ACTA2: variants seen among roughly 807,000 people sequenced by gnomAD.
ACTA2 encodes the protein actin, aortic smooth muscle.
ACTA2 carries 12 observed loss-of-function variants against 39.5 expected under a neutral mutation model. That is an observed-to-expected ratio of 0.30 (90% CI 0.19 to 0.49). The LOEUF is 0.49. Ranked by LOEUF, ACTA2 falls within the 20% of genes least tolerant of loss-of-function variation. The pLI is 0.99. For missense variants in ACTA2, 236 were observed against 498.8 expected (o/e 0.47, Z 5.02); for synonymous variants, 158 against 180.6 (o/e 0.88, Z 1.00).
intron 1 of ACTA2, among the ~76,000 whole-genome samples, chr10:88,975,960 T>C (rs2133334642): frequency 6.6e-6 from 1 of 152,332 alleles, no homozygotes; most frequent in Non-Finnish European, 1.5e-5. Flanking sequence ...GACAAATTAA[T>C]TGTCACCAAA....
intron 1 of ACTA2, among the ~76,000 whole-genome samples, chr10:88,988,581 T>C (rs978522): frequency 0.35 from 53,490 of 151,944 alleles, 10,196 homozygotes; most frequent in East Asian, 0.52. Context: ...TTGTCCAAAA[T>C]ATCTCCAACA....
At chr10:88,991,001 G>GGCA in exon 1 of ACTA2, 1 of 1,564,564 alleles carries the variant, frequency 6.4e-7, no homozygotes, top group African/African-American at 1.4e-5. Context: ...GGATTGCGGC[G>GGCA]GCAGCGGCGC....
chr10:88,950,747 A>C (rs1176046742), intron 1 of ACTA2, among the ~76,000 whole-genome samples: 2 of 152,236 alleles, frequency 1.3e-5, no homozygotes, highest in Non-Finnish European at 2.9e-5. Flanking sequence ...GTGTGATTTC[A>C]GTTATTTAAC....
intron 1 of ACTA2, among the ~76,000 whole-genome samples, chr10:88,964,994 C>G (rs976356578): frequency 6.6e-6 from 1 of 152,072 alleles, no homozygotes; most frequent in Non-Finnish European, 1.5e-5. Flanking sequence ...TCATATAGTC[C>G]AGCCCTGTGT....
chr10:88,936,275 C>T (rs1845736729), intron 8 of ACTA2, among the ~76,000 whole-genome samples: 1 of 152,144 alleles, frequency 6.6e-6, no homozygotes, highest in African/African-American at 2.4e-5. Context: ...AACCTGGGTT[C>T]TCCCAGGTGG....
upstream of ACTA2, among the ~76,000 whole-genome samples, chr10:88,955,018 A>C (rs77267553): frequency 2.9e-4 from 43 of 147,690 alleles, no homozygotes; most frequent in East Asian, 1.2e-3. Context: ...GTGTCACACA[A>C]AAAAAAAAAA....
At chr10:88,977,709 A>C (rs1375945636) in intron 1 of ACTA2, among the ~76,000 whole-genome samples, 5 of 149,946 alleles carry the variant, frequency 3.3e-5, no homozygotes, top group African/African-American at 1.2e-4. Context: ...ATACCATCTC[A>C]CACCAGTTAG....
At chr10:88,939,224 T>C (rs900895928) in intron 7 of ACTA2, among the ~76,000 whole-genome samples, 1 of 152,228 alleles carries the variant, frequency 6.6e-6, no homozygotes, top group East Asian at 1.9e-4. Flanking sequence ...CTTGCTACCC[T>C]TTCCGCTGTC....
At chr10:88,941,665 G>C (rs1845855489) in intron 5 of ACTA2, 120 bp downstream of exon 5, 4 of 952,490 alleles carry the variant, frequency 4.2e-6, no homozygotes, top group Non-Finnish European at 4.9e-6. Context: ...TTTTAGGGCT[G>C]GGTTCAGCCG....
At chr10:88,981,473 G>T (rs1489693247) in intron 1 of ACTA2, among the ~76,000 whole-genome samples, 1 of 151,962 alleles carries the variant, frequency 6.6e-6, no homozygotes, top group East Asian at 1.9e-4. Context: ...AAAGTTGATA[G>T]TAAATTTCAT....
intron 6 of ACTA2, chr10:88,940,983 G>A: frequency 2.2e-6 from 1 of 465,036 alleles, no homozygotes; most frequent in Non-Finnish European, 4.0e-6. Flanking sequence ...ATTAAAAAAA[G>A]ATCAATTATA....
chr10:88,985,350 G>T (rs1251364797), intron 1 of ACTA2, among the ~76,000 whole-genome samples: 1 of 152,180 alleles, frequency 6.6e-6, no homozygotes, highest in African/African-American at 2.4e-5. Flanking sequence ...CATATGCACA[G>T]ATTATCCAAA....
At chr10:88,972,095 G>C (rs896979987) in intron 1 of ACTA2, among the ~76,000 whole-genome samples, 2 of 151,792 alleles carry the variant, frequency 1.3e-5, no homozygotes, top group Non-Finnish European at 1.5e-5. Context: ...TTTTAGTAGA[G>C]ACAGGGTTTC....
intron 1 of ACTA2, among the ~76,000 whole-genome samples, chr10:88,983,631 A>C (rs59824509): frequency 2.1e-5 from 3 of 145,350 alleles, no homozygotes; most frequent in Non-Finnish European, 4.5e-5. Context: ...AAAAAAAAAA[A>C]AAAAAAAACA....
upstream of ACTA2, among the ~76,000 whole-genome samples, chr10:88,953,703 G>C (rs1289889510): frequency 6.6e-6 from 1 of 152,154 alleles, no homozygotes; most frequent in East Asian, 1.9e-4. Flanking sequence ...AGAAAGGCTA[G>C]GTGGGAGGTG....
At chr10:88,984,146 A>C (rs544181426) in intron 1 of ACTA2, among the ~76,000 whole-genome samples, 56 of 152,340 alleles carry the variant, frequency 3.7e-4, no homozygotes, top group African/African-American at 1.3e-3. Context: ...GATGTTGAGC[A>C]AACACTTGTT....
At chr10:88,955,625 A>G (rs1302047350), upstream of ACTA2, among the ~76,000 whole-genome samples, 1 of 152,210 alleles carries the variant, frequency 6.6e-6, no homozygotes, top group Non-Finnish European at 1.5e-5. Flanking sequence ...TTGACTGGAC[A>G]CTTTCTATGA....
chr10:88,935,446 G>A, intron 8 of ACTA2, 80 bp from the exon 9 acceptor site: 7 of 1,510,026 alleles, frequency 4.6e-6, no homozygotes, highest in Non-Finnish European at 6.4e-6. Context: ...GAGCCTGGAT[G>A]TTCTACCATG....
chr10:88,940,252 A>G (rs1266181249), intron 6 of ACTA2: 1 of 181,166 alleles, frequency 5.5e-6, no homozygotes, highest in Non-Finnish European at 1.2e-5. Context: ...CTAGTCCAGA[A>G]GGTTTCAGCG....
Sources: allele counts gnomAD v4.1 joint callset (sites outside exome capture counted in the v4.1 genomes callset), GRCh38; gene constraint gnomAD v4.1.1; transcripts MANE v1.5; gene names NCBI Gene and HGNC (gene_info 2026-07-23, HGNC 2026-07-21).